Variants in FLVCR1 observed in about 807,000 individuals in gnomAD.
FLVCR1 encodes FLVCR choline and heme transporter 1.
A neutral mutation model predicts 53.6 loss-of-function variants in FLVCR1; 34 were observed. The observed-to-expected ratio is 0.63, with a 90% CI of 0.48 to 0.84. The LOEUF (loss-of-function observed/expected upper bound fraction) is 0.84, where lower values mean the gene tolerates loss of function less well. Ranked by LOEUF, FLVCR1 falls within the 40% of genes least tolerant of loss-of-function variation. The probability of loss-of-function intolerance (pLI) is 0.00; values close to 1 mark genes in which losing one functional copy is unlikely to be tolerated. For synonymous variants in FLVCR1, 300 were observed against 286.3 expected, an observed-to-expected ratio of 1.05 and a Z score of -0.48; for missense variants, 677 against 696.7, an observed-to-expected ratio of 0.97 and a Z score of 0.32.
intron 3 of FLVCR1, among the ~76,000 whole-genome samples, chr1:212,880,086 C>G (rs1461561769): frequency 6.6e-6 from 1 of 151,968 alleles, no homozygotes; most frequent in East Asian, 1.9e-4. Flanking sequence ...TACACTCAGG[C>G]CTGAGCACAG....
Position 212,897,512 on chromosome 1 carries a change from ACT to A in FLVCR1, c.*2225_*2226del, listed in dbSNP as rs1558124903. ...ACTCCAGCCTGGGTGACAGAGCGAG[ACT>A]CTGTTTCAGGAAAAAAAGAACAGAA... On this transcript the variant is annotated 3_prime_UTR_variant, in exon 10 of 10. Transcript: ENST00000366971. 1 of 152,256 alleles carries A rather than the reference ACT, an allele frequency of 6.6e-6. No individual in the cohort carries two copies. Among genetic ancestry groups the A allele is most frequent in the Non-Finnish European group, 1.5e-5 (1 of 68,138 alleles). 9.4% of individuals were successfully genotyped at this position (152,256 alleles called of 1,614,324 possible). A position where few individuals can be genotyped will look rare whatever the true frequency, so the allele number is the denominator to read the frequency against.
At position 212,895,456 on chromosome 1, in the gene FLVCR1, G is replaced by T. The variant is rs41301017; in HGVS notation, c.*166G>T. On this transcript the variant is annotated 3_prime_UTR_variant, in exon 10 of 10. Transcript: ENST00000366971. ...TGCATAATTATTATTTTGCTTAATTGTTAAATTAAGGGAAATTTTCTTAAA... is the reference window on the plus strand; with the variant it reads ...TGCATAATTATTATTTTGCTTAATTTTTAAATTAAGGGAAATTTTCTTAAA... 3.1e-6 allele frequency: 2 copies of T among 643,018 alleles called. No homozygotes were observed. Among genetic ancestry groups the T allele is most frequent in the Non-Finnish European group, 5.6e-6 (2 of 355,912 alleles). 39.8% of individuals were successfully genotyped at this position (643,018 alleles called of 1,614,324 possible). A position where few individuals can be genotyped will look rare whatever the true frequency, so the allele number is the denominator to read the frequency against.
At chr1:212,874,901 A>G (rs1411779608) in intron 3 of FLVCR1, among the ~76,000 whole-genome samples, 4 of 139,590 alleles carry the variant, frequency 2.9e-5, no homozygotes, top group Non-Finnish European at 6.2e-5. Context: ...CTTATAACCA[A>G]CCCTGTCACA....
At chr1:212,885,242 GAATTAGTT>G in intron 4 of FLVCR1, 43 bp from the exon 5 acceptor site, 1 of 1,210,830 alleles carries the variant, frequency 8.3e-7, no homozygotes, top group Non-Finnish European at 1.2e-6. Flanking sequence ...TGAAGAGTCT[GAATTAGTT>G]AATCCATTTA....
chr1:212,884,761 G>A (rs1665017354), intron 4 of FLVCR1, among the ~76,000 whole-genome samples: 1 of 152,200 alleles, frequency 6.6e-6, no homozygotes, highest in Non-Finnish European at 1.5e-5. Context: ...TGATGGTAGA[G>A]CCTGCTACAT....
At chr1:212,891,804 C>G (rs1665201928) in intron 8 of FLVCR1, among the ~76,000 whole-genome samples, 1 of 152,126 alleles carries the variant, frequency 6.6e-6, no homozygotes, top group Non-Finnish European at 1.5e-5. Context: ...CCAGATAGGC[C>G]AAAAGCTAGT....
chr1:212,885,251 A>T, intron 4 of FLVCR1, 42 bp from the exon 5 acceptor site: 2 of 1,286,212 alleles, frequency 1.6e-6, no homozygotes, highest in Non-Finnish European at 2.3e-6. Context: ...TGAATTAGTT[A>T]ATCCATTTAT....
chr1:212,888,066 C>A, intron 6 of FLVCR1, 65 bp downstream of exon 6: 1 of 978,438 alleles, frequency 1.0e-6, no homozygotes, highest in South Asian at 1.4e-5. Context: ...TATTATTACT[C>A]TGGTCTTTAA....
intron 5 of FLVCR1, among the ~76,000 whole-genome samples, chr1:212,886,292 C>T (rs1299142282): frequency 3.9e-5 from 6 of 151,954 alleles, no homozygotes. Flanking sequence ...ATCTGCCCAC[C>T]TCAGCCTCCC....
chr1:212,888,363 C>CA, intron 6 of FLVCR1, 126 bp from the exon 7 acceptor site: 2 of 738,182 alleles, frequency 2.7e-6, no homozygotes, highest in Non-Finnish European at 4.9e-6. Flanking sequence ...CTTACTTTGA[C>CA]ATAGCAACTT....
intron 3 of FLVCR1, among the ~76,000 whole-genome samples, chr1:212,881,895 T>C (rs1400047407): frequency 6.6e-6 from 1 of 152,250 alleles, no homozygotes; most frequent in African/African-American, 2.4e-5. Context: ...CATTTGTGTG[T>C]CTGTGTCTGT....
At position 212,896,336 on chromosome 1, in the gene FLVCR1, T is replaced by C. The variant is rs778887540; in HGVS notation, c.*1046T>C. 8 of 152,322 alleles carry C rather than the reference T, an allele frequency of 5.3e-5. No individual in the cohort carries two copies. The highest frequency in any genetic ancestry group is 2.1e-4 in the South Asian group (1 of 4,826). The allele number at this position is 152,322 out of a possible 1,614,324, so 9.4% of individuals were successfully genotyped here. A position where few individuals can be genotyped will look rare whatever the true frequency, so the allele number is the denominator to read the frequency against. On this transcript the variant is annotated 3_prime_UTR_variant, in exon 10 of 10. Transcript: ENST00000366971. ...ATGCTATTTGAATTCTGCAGTATCA[T>C]TTTTATGACCATTCTCCTTTGAGGA...
chr1:212,875,622 C>CA (rs1336153962), intron 3 of FLVCR1, among the ~76,000 whole-genome samples: 2 of 152,082 alleles, frequency 1.3e-5, no homozygotes, highest in African/African-American at 2.4e-5. Flanking sequence ...GTGGGTGGAT[C>CA]ACTTGAGGCC....
intron 1 of FLVCR1, among the ~76,000 whole-genome samples, chr1:212,861,054 C>CT (rs1454805396): frequency 1.3e-5 from 2 of 152,130 alleles, no homozygotes; most frequent in Non-Finnish European, 2.9e-5. Context: ...CGGGCACATC[C>CT]TTACCCCCTG....
intron 9 of FLVCR1, 32 bp from the exon 10 acceptor site, chr1:212,895,184 A>G (rs778384432): frequency 1.8e-5 from 28 of 1,528,248 alleles, no homozygotes; most frequent in African/African-American, 5.5e-5. Flanking sequence ...GCCAGATGCT[A>G]TACATTTTTA....
chr1:212,874,701 G>GT (rs1429863751), intron 3 of FLVCR1, among the ~76,000 whole-genome samples: 3 of 150,798 alleles, frequency 2.0e-5, no homozygotes, highest in Admixed American at 1.3e-4. Context: ...GCTAATTTTT[G>GT]TTTTTTTAGT....
chr1:212,882,900 A>G (rs1220271983), intron 3 of FLVCR1, among the ~76,000 whole-genome samples: 3 of 151,056 alleles, frequency 2.0e-5, no homozygotes, highest in Non-Finnish European at 4.4e-5. Flanking sequence ...CTCCATCTCA[A>G]AAAAAAAAGT....
intron 3 of FLVCR1, among the ~76,000 whole-genome samples, chr1:212,873,287 T>C (rs974122110): frequency 4.8e-5 from 7 of 146,870 alleles, no homozygotes; most frequent in African/African-American, 1.2e-4. Context: ...CACTCCAGCC[T>C]GGGCAATAGA....
Position 212,899,162 on chromosome 1 carries a change from C to T in FLVCR1, c.*3872C>T, listed in dbSNP as rs1665411910. 6.6e-6 allele frequency: 1 copy of T among 152,192 alleles called. No individual in the cohort carries two copies. Among genetic ancestry groups the T allele is most frequent in the Non-Finnish European group, 1.5e-5 (1 of 68,026 alleles). 9.4% of individuals were successfully genotyped at this position (152,192 alleles called of 1,614,324 possible). On this transcript the variant is annotated 3_prime_UTR_variant, in exon 10 of 10. Coordinates refer to ENST00000366971, the MANE Select transcript of FLVCR1 (RefSeq NM_014053.4). ...GCATTTATTACAAATGTCACAAATACAGCTCTTGCCTTTTGAGAATGTTGG... is the reference window on the plus strand; with the variant it reads ...GCATTTATTACAAATGTCACAAATATAGCTCTTGCCTTTTGAGAATGTTGG...
Sources: gnomAD v4.1 joint callset for allele counts (sites outside exome capture counted in the v4.1 genomes callset) on GRCh38, gnomAD v4.1.1 for gene constraint, MANE v1.5 for transcripts, NCBI Gene and HGNC (gene_info 2026-07-23, HGNC 2026-07-21) for gene names.